The following STARD9 variants were observed in gnomAD, a reference collection of about 807,000 sequenced individuals.
STARD9 encodes StAR related lipid transfer domain containing 9.
In STARD9, 346 loss-of-function variants were observed where a neutral mutation model predicts 399.8. That is an observed-to-expected ratio of 0.87 (90% CI 0.79 to 0.95). The LOEUF (loss-of-function observed/expected upper bound fraction) is 0.95. Among genes scored for constraint, STARD9 ranks in the 40% least tolerant of loss-of-function variants. The pLI, the probability that STARD9 is intolerant of heterozygous loss-of-function variation, is 0.00. For synonymous variants in STARD9, 2,203 were observed against 2,143.5 expected (o/e 1.03, Z -0.77); for missense variants, 5,832 against 5,667.5 (o/e 1.03, Z -0.93).
At position 42,684,422 on chromosome 15, in the gene STARD9, C is replaced by G. The variant is rs1335547568; in HGVS notation, c.2844C>G (p.Gly948=). 1 of 1,537,182 alleles carries G rather than the reference C, an allele frequency of 6.5e-7. No homozygotes were observed. The highest frequency in any genetic ancestry group is 1.2e-5 in the South Asian group (1 of 84,056). ...AGCCCCATCAGATGGTGAGCCAGGG[C>G]TTAGCATCTCTGAGGAAATCAGCTA... is the stretch of plus-strand genomic sequence containing the variant. ...VKQPHQMVSQ[G]LASLRKSANK... Residue 948 remains glycine, a synonymous_variant, in exon 23 of 33, where the codon GGC becomes GGG. Transcript: ENST00000290607.
chr15:42,681,612 A>T lies in STARD9; in HGVS notation c.2065A>T (p.Asn689Tyr). 1.3e-6 allele frequency: 2 copies of T among 1,535,730 alleles called. No individual in the cohort carries two copies. The highest frequency in any genetic ancestry group is 1.7e-6 in the Non-Finnish European group (2 of 1,146,042). ...TTGGATTAGCCAGCAGATTAAAGAA[A>T]GTAGGTGTCCACCACTTAATGTGTC... The part of the protein sequence containing the change: ...QAWISQQIKE[N>Y]QQCLLREETW... Residue 689 changes from asparagine (N) to tyrosine (Y), a missense_variant and splice_region_variant, in exon 21 of 33, where the codon AAC (asparagine) becomes TAC (tyrosine). Asn to Tyr is a moderately radical substitution (Grantham distance 143, BLOSUM62 -2). Transcript: ENST00000290607.
In STARD9 at chr15:42,575,630, T is replaced by C. The variant is rs1002732154; in HGVS notation, c.-86T>C. On this transcript the variant is annotated 5_prime_UTR_variant, in exon 1 of 33. Transcript: ENST00000290607. ...CAGAGGCGCGTGGGGCGGGCGGGGC[T>C]GGGTTGGGGCTGTGTCTGGGCTTAG... The C allele has an allele frequency of 1.4e-6, 2 of 1,424,284 alleles. No individual in the cohort carries two copies. Among genetic ancestry groups the C allele is most frequent in the Non-Finnish European group, 1.9e-6 (2 of 1,053,688 alleles). The allele number at this position is 1,424,284 out of a possible 1,614,324, so 88.2% of individuals were successfully genotyped here.
intron 26 of STARD9, among the ~76,000 whole-genome samples, chr15:42,712,728 C>T (rs944399341): frequency 2.6e-5 from 4 of 152,136 alleles, no homozygotes; most frequent in African/African-American, 7.2e-5. Context: ...GACAGGGTCT[C>T]GCTATCTTGC....
chr15:42,642,728 G>A (rs1280615224), intron 7 of STARD9, among the ~76,000 whole-genome samples: 1 of 152,172 alleles, frequency 6.6e-6, no homozygotes, highest in African/African-American at 2.4e-5. Context: ...TAATATATTT[G>A]CAATAGTGAT....
intron 7 of STARD9, 76 bp from the exon 8 acceptor site, chr15:42,650,940 A>G: frequency 1.9e-6 from 2 of 1,037,436 alleles, no homozygotes; most frequent in Non-Finnish European, 2.8e-6. Context: ...TAGGAATGAT[A>G]AAGACTTACA....
intron 20 of STARD9, among the ~76,000 whole-genome samples, chr15:42,676,484 G>C (rs2060314503): frequency 1.3e-5 from 2 of 152,140 alleles, no homozygotes; most frequent in East Asian, 3.9e-4. Flanking sequence ...CCAGAACTGT[G>C]CATAGAGGGG....
chr15:42,619,297 T>A (rs910242949), intron 3 of STARD9, among the ~76,000 whole-genome samples: 2 of 152,168 alleles, frequency 1.3e-5, no homozygotes, highest in Non-Finnish European at 2.9e-5. Context: ...TTTTTGTTCC[T>A]TTAGTTTTGC....
chr15:42,718,069 C>T lies in STARD9; in HGVS notation c.13652C>T (p.Pro4551Leu), dbSNP rs912831858. ...GFLGAGVVSQ[P>L]LSRVWAAVSD... ...CTGGGGGCAGGTGTGGTGTCCCAGC[C>T]GCTGTCTCGTGTGTGGGCGGCTGTC... Residue 4551 changes from proline to leucine, a missense_variant, in exon 30 of 33, where the codon CCG (proline) becomes CTG (leucine). Physicochemically the swap from Pro to Leu is moderately conservative, Grantham distance 98. Transcript: ENST00000290607. The T allele has an allele frequency of 3.4e-5, 53 of 1,537,124 alleles. No homozygotes were observed. The highest frequency in any genetic ancestry group is 2.2e-4 in the East Asian group (9 of 40,924).
At chr15:42,648,594 A>G (rs1362577939) in intron 7 of STARD9, among the ~76,000 whole-genome samples, 1 of 152,160 alleles carries the variant, frequency 6.6e-6, no homozygotes, top group Non-Finnish European at 1.5e-5. Context: ...GTCATCTCCT[A>G]GTCTAATTTT....
chr15:42,623,765 A>C (rs1409895427), intron 3 of STARD9, among the ~76,000 whole-genome samples: 1 of 152,260 alleles, frequency 6.6e-6, no homozygotes, highest in Non-Finnish European at 1.5e-5. Flanking sequence ...TAAATGTAAA[A>C]TGTGGACGAA....
chr15:42,627,414 C>A (rs1181450884), intron 3 of STARD9, among the ~76,000 whole-genome samples: 2 of 152,174 alleles, frequency 1.3e-5, no homozygotes, highest in African/African-American at 4.8e-5. Context: ...GGATATCCAT[C>A]ACCTCAAGCA....
At chr15:42,618,527 A>G (rs948084211) in intron 3 of STARD9, among the ~76,000 whole-genome samples, 13 of 152,196 alleles carry the variant, frequency 8.5e-5, no homozygotes, top group African/African-American at 3.1e-4. Context: ...GTGCTAGAGT[A>G]TATCACTATG....
intron 6 of STARD9, among the ~76,000 whole-genome samples, chr15:42,638,397 A>G (rs2059460039): frequency 6.6e-6 from 1 of 152,094 alleles, no homozygotes; most frequent in Admixed American, 6.6e-5. Context: ...AATTCACTCA[A>G]GAAACAACCT....
chr15:42,693,596 G>A lies in STARD9; in HGVS notation c.12018G>A (p.Arg4006=). 6.5e-7 allele frequency: 1 copy of A among 1,537,234 alleles called. No homozygotes were observed. The highest frequency in any genetic ancestry group is 8.7e-7 in the Non-Finnish European group (1 of 1,146,898). ...LGQHPQQLQP[R]TTIGVQSRLL... The stretch of plus-strand genomic sequence containing the variant: ...AGCACCCTCAGCAGCTTCAGCCCAG[G>A]ACAACTATCGGGGTCCAAAGCAGAC... Residue 4006 remains arginine, a synonymous_variant, in exon 23 of 33, where the codon AGG becomes AGA. Transcript: ENST00000290607.
intron 26 of STARD9, among the ~76,000 whole-genome samples, chr15:42,712,675 C>T (rs1008724284): frequency 5.9e-5 from 9 of 152,170 alleles, no homozygotes; most frequent in Admixed American, 4.6e-4. Context: ...CATTGATCTA[C>T]ATATCTATCC....
At chr15:42,635,058 T>TCTG in intron 4 of STARD9, 86 bp downstream of exon 4, 2 of 627,560 alleles carry the variant, frequency 3.2e-6, no homozygotes, top group Non-Finnish European at 5.1e-6. Flanking sequence ...AGAATATGAT[T>TCTG]TCTGTAGGCA....
At chr15:42,605,502 A>G (rs1566868234) in intron 3 of STARD9, among the ~76,000 whole-genome samples, 4 of 152,236 alleles carry the variant, frequency 2.6e-5, no homozygotes, top group Non-Finnish European at 1.5e-5. Context: ...TTAAGCCCAT[A>G]AGATCACCAT....
At chr15:42,610,079 C>T (rs1277254980) in intron 3 of STARD9, among the ~76,000 whole-genome samples, 2 of 151,940 alleles carry the variant, frequency 1.3e-5, no homozygotes, top group Admixed American at 1.3e-4. Flanking sequence ...GGCGACAGAA[C>T]GAGACACTAT....
Position 42,684,655 on chromosome 15 carries a change from A to G in STARD9, c.3077A>G (p.Lys1026Arg). 3 of 1,537,198 alleles carry G rather than the reference A, an allele frequency of 2.0e-6. No individual in the cohort carries two copies. Among genetic ancestry groups the G allele is most frequent in the South Asian group, 2.4e-5 (2 of 84,070 alleles). ...RQTAGHGKAV[K>R]TFWTEYKPPS... ...ACTGCTGGGCACGGAAAGGCAGTCA[A>G]GACTTTTTGGACAGAATACAAACCA... Residue 1026 changes from lysine to arginine, a missense_variant, in exon 23 of 33, where the codon AAG (lysine) becomes AGG (arginine). Lys to Arg is a conservative substitution (Grantham distance 26, BLOSUM62 2). Transcript: ENST00000290607.
Sources: gnomAD v4.1 joint callset for allele counts (sites outside exome capture counted in the v4.1 genomes callset) on GRCh38, gnomAD v4.1.1 for gene constraint, MANE v1.5 for transcripts, NCBI Gene and HGNC (gene_info 2026-07-23, HGNC 2026-07-21) for gene names.